Variants in TGM4 observed in about 807,000 individuals in gnomAD.
TGM4 encodes the protein transglutaminase 4, also known as protein-glutamine gamma-glutamyltransferase 4.
TGM4 carries 61 observed loss-of-function variants against 76.3 expected under a neutral mutation model. That is an observed-to-expected ratio of 0.80 (90% CI 0.65 to 0.99). The LOEUF (loss-of-function observed/expected upper bound fraction) is 0.99. TGM4 is among the 50% of genes least tolerant of loss of function. The pLI, the probability that TGM4 is intolerant of heterozygous loss-of-function variation, is 0.00. For synonymous variants in TGM4, 337 were observed against 329.8 expected (o/e 1.02, Z -0.24); for missense variants, 794 against 843.2 (o/e 0.94, Z 0.72).
rs1433185941 is a variant in TGM4 at position 44,901,889 on chromosome 3, A to G, written c.929A>G (p.Glu310Gly). Residue 310 changes from glutamate to glycine, a missense_variant, in exon 8 of 14, where the codon GAG (glutamate) becomes GGG (glycine). Transcript: ENST00000296125. ...RNLTVDTYVN[E>G]NGEKITSMTH... The stretch of plus-strand genomic sequence containing the variant: ...CTCACGGTGGACACCTATGTGAATG[A>G]GAATGGCGAGAAAATCACCAGTATG... 1.9e-6 allele frequency: 3 copies of G among 1,614,124 alleles called. No homozygotes were observed. The African/African-American group carries it at 4.0e-5, about 22-fold the overall frequency.
intron 5 of TGM4, among the ~76,000 whole-genome samples, chr3:44,896,374 G>C (rs1194883936): frequency 6.6e-6 from 1 of 152,220 alleles, no homozygotes; most frequent in East Asian, 1.9e-4. Context: ...GCCTCCCAAA[G>C]TGTTGGGATT....
Position 44,914,129 on chromosome 3 carries a change from C to A in TGM4, c.*404C>A, listed in dbSNP as rs2125762796. 2 of 168,168 alleles carry A rather than the reference C, an allele frequency of 1.2e-5. No homozygotes were observed. The highest frequency in any genetic ancestry group is 6.0e-3 in the Middle Eastern group (2 of 336). 10.4% of individuals were successfully genotyped at this position (168,168 alleles called of 1,614,324 possible). ...CTGCCATATCTTCAGGCCATGGGTT[C>A]ACCAGCCCTGAAGGCACCTGTCAAC... On this transcript the variant is annotated 3_prime_UTR_variant, in exon 14 of 14. Coordinates refer to ENST00000296125, the MANE Select transcript of TGM4 (RefSeq NM_003241.4).
rs549883017 is a variant in TGM4 at position 44,898,614 on chromosome 3, CG to C, written c.657+1799del. 3.5e-3 allele frequency among the ~76,000 whole-genome samples: 537 copies of C among 152,322 alleles called. 1 individual carries two copies. Among genetic ancestry groups the C allele is most frequent in the African/African-American group, 0.012 (508 of 41,580 alleles). On this transcript the variant is annotated intron_variant, in intron 6 of 13. Transcript: ENST00000296125. ...TTGCCATCTGTGGGTGGCAGGCAGA[CG>C]TATGTTCATCTCCAGGTGAGTCTGT...
rs1422522767 is a variant in TGM4 at position 44,914,316 on chromosome 3, GT to G, written c.*595del. 6.5e-6 allele frequency: 1 copy of G among 153,032 alleles called. No homozygotes were observed. Among genetic ancestry groups the G allele is most frequent in the African/African-American group, 2.4e-5 (1 of 41,446 alleles). 9.5% of individuals were successfully genotyped at this position (153,032 alleles called of 1,614,324 possible). On this transcript the variant is annotated 3_prime_UTR_variant, in exon 14 of 14. Transcript: ENST00000296125. ...AAGGACATTTCTCAAGGGCCATGTG[GT>G]TTTGCAGACAACCCTGTCCTCAGGC...
At chr3:44,900,595 G>T (rs1419034782) in intron 6 of TGM4, among the ~76,000 whole-genome samples, 2 of 152,206 alleles carry the variant, frequency 1.3e-5, no homozygotes, top group African/African-American at 4.8e-5. Flanking sequence ...CTGTAACTGT[G>T]CTTTTCACAA....
intron 13 of TGM4, among the ~76,000 whole-genome samples, chr3:44,911,816 A>C (rs1216301098): frequency 6.6e-6 from 1 of 152,062 alleles, no homozygotes; most frequent in African/African-American, 2.4e-5. Flanking sequence ...TTTTGTATTC[A>C]ATTTTTTAAA....
At position 44,913,726 on chromosome 3, in the gene TGM4, C is replaced by T. The variant is rs142492408; in HGVS notation, c.*1C>T. The T allele has an allele frequency of 3.7e-6, 6 of 1,612,556 alleles. No homozygotes were observed. The highest frequency in any genetic ancestry group is 5.1e-6 in the Non-Finnish European group (6 of 1,179,304). ...GAAGATTGTTCTCATCACCAAGTAG[C>T]CTTGTCTGATGCTGTGGAGCCTTAG... On this transcript the variant is annotated 3_prime_UTR_variant, in exon 14 of 14. Coordinates refer to ENST00000296125, the MANE Select transcript of TGM4 (RefSeq NM_003241.4).
chr3:44,886,198 G>C (rs11130037), intron 2 of TGM4, among the ~76,000 whole-genome samples: 15,881 of 152,108 alleles, frequency 0.1, 974 homozygotes, highest in South Asian at 0.17. Context: ...ACAAAAATTA[G>C]CTGGGCATAG....
intron 6 of TGM4, among the ~76,000 whole-genome samples, chr3:44,900,442 G>C (rs1469700867): frequency 6.6e-6 from 1 of 152,234 alleles, no homozygotes; most frequent in Non-Finnish European, 1.5e-5. Context: ...GAGGTCACGG[G>C]AGGCCCAGGC....
chr3:44,897,239 C>G (rs1468318852), intron 6 of TGM4, among the ~76,000 whole-genome samples: 1 of 151,880 alleles, frequency 6.6e-6, no homozygotes, highest in South Asian at 2.1e-4. Flanking sequence ...CTCCTGACCT[C>G]GTGATCCACC....
Position 44,913,817 on chromosome 3 carries a change from T to TTA in TGM4, c.*96_*97dup. 4.0e-6 allele frequency: 6 copies of TTA among 1,514,878 alleles called. No individual in the cohort carries two copies. The highest frequency in any genetic ancestry group is 2.2e-5 in the Admixed American group (1 of 45,954). 93.8% of individuals were successfully genotyped at this position (1,514,878 alleles called of 1,614,324 possible). A position where few individuals can be genotyped will look rare whatever the true frequency, so the allele number is the denominator to read the frequency against. ...ATTATGGATGATTAAATTTGATGAC[T>TTA]TATATGAGGGCAGATTCAAGAGCCA... On this transcript the variant is annotated 3_prime_UTR_variant, in exon 14 of 14. Coordinates refer to ENST00000296125, the MANE Select transcript of TGM4 (RefSeq NM_003241.4).
Position 44,896,799 on chromosome 3 carries a change from A to G in TGM4, c.640A>G (p.Arg214Gly), listed in dbSNP as rs141969914. 394 of 1,614,158 alleles carry G rather than the reference A, an allele frequency of 2.4e-4. 2 individuals are homozygous for G. The African/African-American group carries it at 4.5e-3, about 18-fold the overall frequency. Residue 214 changes from arginine to glycine, a missense_variant, in exon 6 of 14, where the codon AGG becomes GGG. Transcript: ENST00000296125. The stretch of plus-strand genomic sequence containing the variant: ...TAGGAGGGACCCCGTGCTGGTGTGC[A>G]GGGCCATGTGTGCTATGGTAGGTAT... ...TDRRDPVLVC[R>G]AMCAMMSFEK...
At chr3:44,910,761 T>C (rs1021014892) in intron 11 of TGM4, among the ~76,000 whole-genome samples, 197 bp from the exon 12 acceptor site, 12 of 152,206 alleles carry the variant, frequency 7.9e-5, no homozygotes, top group African/African-American at 2.7e-4. Flanking sequence ...GGACTCAGGA[T>C]GTAAGCTTGG....
In TGM4 at chr3:44,907,177, C is replaced by T; in HGVS notation, c.1304C>T (p.Thr435Ile). 1.2e-6 allele frequency: 2 copies of T among 1,613,978 alleles called. No individual in the cohort carries two copies. Among genetic ancestry groups the T allele is most frequent in the South Asian group, 1.1e-5 (1 of 91,070 alleles). ...AVGQDRRRDI[T>I]YEYKYPEGSS... Reference sequence around the variant, plus strand: ...GGCCAAGACAGGCGGAGAGATATCACCTATGAGTACAAGTATCCAGAAGGT... The same window carrying T: ...GGCCAAGACAGGCGGAGAGATATCATCTATGAGTACAAGTATCCAGAAGGT... The change falls in exon 10 of 14, where the codon ACC (threonine) becomes ATC (isoleucine). Residue 435 changes from threonine to isoleucine, a missense_variant. Coordinates refer to ENST00000296125, the MANE Select transcript of TGM4 (RefSeq NM_003241.4).
chr3:44,908,752 A>T (rs1447309266), intron 10 of TGM4, among the ~76,000 whole-genome samples: 1 of 151,980 alleles, frequency 6.6e-6, no homozygotes, highest in Non-Finnish European at 1.5e-5. Context: ...TTTTTTGAAT[A>T]TATTCAAAAT....
rs887733823 is a variant in TGM4 at position 44,913,942 on chromosome 3, C to T, written c.*217C>T. 15 of 500,484 alleles carry T rather than the reference C, an allele frequency of 3.0e-5. No homozygotes were observed. Among genetic ancestry groups the T allele is most frequent in the South Asian group, 9.8e-5 (3 of 30,678 alleles). 31.0% of individuals were successfully genotyped at this position (500,484 alleles called of 1,614,324 possible). ...CTCTTTTACAGTTAGAAACACCAGC[C>T]GAGGCCACAGAATCCCATCCCTTTC... On this transcript the variant is annotated 3_prime_UTR_variant, in exon 14 of 14. Transcript: ENST00000296125.
At chr3:44,900,346 G>A (rs374829517) in intron 6 of TGM4, among the ~76,000 whole-genome samples, 6 of 152,126 alleles carry the variant, frequency 3.9e-5, no homozygotes, top group South Asian at 2.1e-4. Flanking sequence ...TTTTCATTCC[G>A]TCTGACCACT....
intron 2 of TGM4, 42 bp from the exon 3 acceptor site, chr3:44,887,644 GGGT>G: frequency 6.4e-7 from 1 of 1,569,504 alleles, no homozygotes; most frequent in African/African-American, 1.3e-5. Context: ...ATTGTCTTGG[GGGT>G]GGCCCATGGC....
chr3:44,890,852 G>A (rs968464102), intron 4 of TGM4, 120 bp downstream of exon 4: 19 of 1,299,212 alleles, frequency 1.5e-5, no homozygotes, highest in Non-Finnish European at 1.7e-5. Flanking sequence ...TAGTTTAAGG[G>A]ATGTGACCCA....
Sources: allele counts gnomAD v4.1 joint callset (sites outside exome capture counted in the v4.1 genomes callset), GRCh38; gene constraint gnomAD v4.1.1; transcripts MANE v1.5; gene names NCBI Gene and HGNC (gene_info 2026-07-23, HGNC 2026-07-21).